The following PLS1 variants were observed in gnomAD, a reference collection of about 807,000 sequenced individuals.
PLS1 encodes plastin 1, also known as plastin-1.
A neutral mutation model predicts 73.7 loss-of-function variants in PLS1; 32 were observed. That is an observed-to-expected ratio of 0.43 (90% CI 0.33 to 0.58). PLS1 has a LOEUF of 0.58. Ranked by LOEUF, PLS1 falls within the 20% of genes least tolerant of loss-of-function variation. The pLI is 0.04. For synonymous variants in PLS1, 217 were observed against 261.3 expected, an observed-to-expected ratio of 0.83 and a Z score of 1.63; for missense variants, 633 against 740.5, an observed-to-expected ratio of 0.85 and a Z score of 1.68.
intron 1 of PLS1, among the ~76,000 whole-genome samples, chr3:142,641,158 T>TTATATA (rs138316946): frequency 7.3e-6 from 1 of 136,614 alleles, no homozygotes; most frequent in African/African-American, 3.0e-5. Flanking sequence ...CCCAGAGTGA[T>TTATATA]TATATATATA....
At chr3:142,657,536 G>C (rs532608657) in intron 1 of PLS1, among the ~76,000 whole-genome samples, 1 of 152,298 alleles carries the variant, frequency 6.6e-6, no homozygotes, top group East Asian at 1.9e-4. Context: ...CACCCGAGCT[G>C]GTGTACAGTG....
At chr3:142,709,853 T>C (rs1195728094) in intron 14 of PLS1, among the ~76,000 whole-genome samples, 1 of 151,670 alleles carries the variant, frequency 6.6e-6, no homozygotes. Flanking sequence ...AAGTGGCTCA[T>C]AGATTGTGGC....
intron 10 of PLS1, among the ~76,000 whole-genome samples, chr3:142,692,108 C>CA: frequency 6.6e-6 from 1 of 152,142 alleles, no homozygotes; most frequent in South Asian, 2.1e-4. Flanking sequence ...TGGAAGAATA[C>CA]AGTATGTGTT....
At position 142,680,556 on chromosome 3, in the gene PLS1, G is replaced by A. The variant is rs547286952; in HGVS notation, c.579+2443G>A. Among the ~76,000 whole-genome samples the A allele has an allele frequency of 3.3e-5, 5 of 152,256 alleles. No individual in the cohort carries two copies. The South Asian group carries it at 8.3e-4, about 25-fold the overall frequency. ...TAGGTGGTTGAAAAAGAACACTGCA[G>A]TTTTATCATTTCACAAAATTTTAAA... On this transcript the variant is annotated intron_variant, in intron 6 of 15. Coordinates refer to ENST00000457734, the MANE Select transcript of PLS1 (RefSeq NM_001145319.2).
intron 4 of PLS1, 43 bp downstream of exon 4, chr3:142,671,165 T>A: frequency 6.6e-7 from 1 of 1,514,576 alleles, no homozygotes; most frequent in Non-Finnish European, 9.2e-7. Context: ...CACTGATTCA[T>A]TGATTAAGTG....
At chr3:142,608,300 C>T (rs571256053) in intron 1 of PLS1, among the ~76,000 whole-genome samples, 1 of 152,224 alleles carries the variant, frequency 6.6e-6, no homozygotes. Context: ...TGTTATGAGA[C>T]AGCATCTAAC....
intron 1 of PLS1, among the ~76,000 whole-genome samples, chr3:142,654,334 GA>G (rs999988040): frequency 1.3e-5 from 2 of 152,110 alleles, no homozygotes; most frequent in African/African-American, 4.8e-5. Context: ...AAATGATTAG[GA>G]AAAAGTTTAC....
At chr3:142,662,858 A>G (rs868258778) in intron 1 of PLS1, among the ~76,000 whole-genome samples, 1 of 152,348 alleles carries the variant, frequency 6.6e-6, no homozygotes. Flanking sequence ...AAAGGTTATA[A>G]TATTGTATGG....
chr3:142,666,012 T>C (rs1179165143), intron 2 of PLS1, among the ~76,000 whole-genome samples: 1 of 152,190 alleles, frequency 6.6e-6, no homozygotes, highest in African/African-American at 2.4e-5. Flanking sequence ...AAACTGCTAC[T>C]CTGTGAACTC....
At chr3:142,628,442 T>C (rs2036481726) in intron 1 of PLS1, among the ~76,000 whole-genome samples, 2 of 151,932 alleles carry the variant, frequency 1.3e-5, no homozygotes, top group African/African-American at 4.8e-5. Context: ...TGTAGTGTAA[T>C]AATATTATTT....
At chr3:142,615,400 A>C (rs998711144) in intron 1 of PLS1, among the ~76,000 whole-genome samples, 1 of 152,144 alleles carries the variant, frequency 6.6e-6, no homozygotes, top group Admixed American at 6.5e-5. Flanking sequence ...GAGGTCACAG[A>C]CTTTGGAATT....
intron 1 of PLS1, 61 bp downstream of exon 1, chr3:142,596,570 C>T (rs1432769440): frequency 6.6e-6 from 1 of 152,432 alleles, no homozygotes; most frequent in African/African-American, 2.4e-5. Context: ...GAAAGCGAAG[C>T]GTTACTCCTT....
At chr3:142,624,637 T>C (rs1294604009) in intron 1 of PLS1, among the ~76,000 whole-genome samples, 2 of 152,210 alleles carry the variant, frequency 1.3e-5, no homozygotes, top group Non-Finnish European at 2.9e-5. Context: ...ATGTTTTCTT[T>C]TTGCAGTGAC....
intron 1 of PLS1, among the ~76,000 whole-genome samples, chr3:142,650,490 C>T (rs1294477538): frequency 6.6e-6 from 1 of 152,072 alleles, no homozygotes; most frequent in Non-Finnish European, 1.5e-5. Context: ...TTCAGGGGAT[C>T]ATGTGGGGAT....
chr3:142,621,864 C>G (rs2036321408), intron 1 of PLS1, among the ~76,000 whole-genome samples: 2 of 152,158 alleles, frequency 1.3e-5, no homozygotes, highest in Non-Finnish European at 1.5e-5. Context: ...TAGCAGAACT[C>G]CATGCAACAG....
chr3:142,654,460 C>T (rs1364491339), intron 1 of PLS1, among the ~76,000 whole-genome samples: 1 of 152,172 alleles, frequency 6.6e-6, no homozygotes, highest in East Asian at 1.9e-4. Context: ...ATGCTCCCAT[C>T]TCAGCCTCCC....
At chr3:142,641,862 T>G (rs186163092) in intron 1 of PLS1, among the ~76,000 whole-genome samples, 2 of 152,272 alleles carry the variant, frequency 1.3e-5, no homozygotes, top group East Asian at 3.9e-4. Context: ...TTTGTTTTTT[T>G]CTATCTGTAG....
intron 14 of PLS1, among the ~76,000 whole-genome samples, chr3:142,706,123 C>A (rs1377445140): frequency 6.6e-6 from 1 of 151,918 alleles, no homozygotes; most frequent in Non-Finnish European, 1.5e-5. Flanking sequence ...TATTTAGGAG[C>A]AAATTAATAT....
At chr3:142,600,895 TATATATATATATATATA>T (rs1277142534) in intron 1 of PLS1, among the ~76,000 whole-genome samples, 440 of 29,440 alleles carry the variant, frequency 0.015, 32 homozygotes, top group African/African-American at 0.066. Flanking sequence ...TATATATATA[TATATATATATATATATA>T]TATATTTTTT....
Sources: gnomAD v4.1 joint callset for allele counts (sites outside exome capture counted in the v4.1 genomes callset) on GRCh38, gnomAD v4.1.1 for gene constraint, MANE v1.5 for transcripts, NCBI Gene and HGNC (gene_info 2026-07-23, HGNC 2026-07-21) for gene names.